The following PDE4D variants were observed in gnomAD, a reference collection of about 807,000 sequenced individuals.
PDE4D encodes the protein phosphodiesterase 4D.
Under a neutral mutation model 87.4 loss-of-function variants are expected in PDE4D, and 24 were observed. The ratio of observed to expected loss-of-function variants is 0.27; its 90% CI spans 0.20 to 0.39. PDE4D has a LOEUF of 0.39. PDE4D is among the 10% of genes least tolerant of loss of function. The pLI, the probability that PDE4D is intolerant of heterozygous loss-of-function variation, is 1.00. For missense variants in PDE4D, 714 were observed against 1,041.0 expected, an observed-to-expected ratio of 0.69 and a Z score of 4.32; for synonymous variants, 384 against 383.2, an observed-to-expected ratio of 1.00 and a Z score of -0.02.
intron 3 of PDE4D, among the ~76,000 whole-genome samples, chr5:59,983,456 C>T (rs1762121460): frequency 6.6e-6 from 1 of 152,052 alleles, no homozygotes; most frequent in Non-Finnish European, 1.5e-5. Context: ...AAAATATTCA[C>T]TTTATAATAC....
chr5:59,612,394 T>G (rs1829128750), intron 1 of PDE4D, among the ~76,000 whole-genome samples: 1 of 152,146 alleles, frequency 6.6e-6, no homozygotes, highest in Admixed American at 6.6e-5. Flanking sequence ...TCCAATAATT[T>G]ATATTTTATA....
intron 6 of PDE4D, among the ~76,000 whole-genome samples, chr5:59,021,178 C>A (rs187407627): frequency 1.8e-3 from 276 of 152,274 alleles, no homozygotes; most frequent in Middle Eastern, 6.8e-3. Flanking sequence ...TGAAGACCTA[C>A]AGGAGACCCT....
chr5:60,055,124 G>A (rs1770635282), intron 2 of PDE4D, among the ~76,000 whole-genome samples: 1 of 152,082 alleles, frequency 6.6e-6, no homozygotes, highest in African/African-American at 2.4e-5. Flanking sequence ...GCAGCTAGGA[G>A]CCTTGGCAGC....
chr5:60,162,761 G>GA (rs933178882), intron 2 of PDE4D, among the ~76,000 whole-genome samples: 19 of 146,814 alleles, frequency 1.3e-4, no homozygotes, highest in South Asian at 2.2e-4. Context: ...CTGCCAGGAA[G>GA]AAAAAAAAAA....
chr5:60,205,173 T>C (rs1270009985), intron 1 of PDE4D, among the ~76,000 whole-genome samples: 2 of 152,170 alleles, frequency 1.3e-5, no homozygotes, highest in African/African-American at 4.8e-5. Context: ...CCAGGCCTAC[T>C]TGAGCCCAGC....
intron 1 of PDE4D, among the ~76,000 whole-genome samples, chr5:60,228,901 C>T (rs1189958231): frequency 1.3e-5 from 2 of 151,986 alleles, no homozygotes; most frequent in Non-Finnish European, 2.9e-5. Flanking sequence ...CACAAAACTA[C>T]CCAGCTGGGC....
intron 1 of PDE4D, among the ~76,000 whole-genome samples, chr5:60,295,258 C>T (rs1482988743): frequency 1.3e-5 from 2 of 152,154 alleles, no homozygotes; most frequent in Non-Finnish European, 2.9e-5. Context: ...GGAAGCTATT[C>T]CTTATGGTTA....
chr5:59,678,255 T>C (rs1013210299), intron 1 of PDE4D, among the ~76,000 whole-genome samples: 2 of 152,210 alleles, frequency 1.3e-5, no homozygotes, highest in Non-Finnish European at 1.5e-5. Flanking sequence ...GTAACAACAT[T>C]ATTTCAAAAT....
chr5:60,400,196 A>G (rs1400028472), intron 1 of PDE4D, among the ~76,000 whole-genome samples: 1 of 152,202 alleles, frequency 6.6e-6, no homozygotes, highest in Non-Finnish European at 1.5e-5. Context: ...GGTAAAACAG[A>G]AGTGGATGGG....
intron 2 of PDE4D, among the ~76,000 whole-genome samples, chr5:60,143,543 C>T (rs746482280): frequency 9.9e-5 from 15 of 150,968 alleles, no homozygotes; most frequent in Admixed American, 2.0e-4. Context: ...CTTTAAAGAA[C>T]GCCATTGCCT....
At chr5:59,715,001 C>T (rs1013423365) in intron 1 of PDE4D, among the ~76,000 whole-genome samples, 3 of 152,228 alleles carry the variant, frequency 2.0e-5, no homozygotes, top group African/African-American at 7.2e-5. Context: ...TTGAGAACAC[C>T]AGTAGGCTTT....
chr5:59,037,040 T>C (rs1758648127), intron 6 of PDE4D, among the ~76,000 whole-genome samples: 1 of 152,182 alleles, frequency 6.6e-6, no homozygotes, highest in Non-Finnish European at 1.5e-5. Context: ...TCTGGTGCCT[T>C]TAAAAGAAAG....
chr5:59,463,408 A>T (rs1306065398), intron 1 of PDE4D, among the ~76,000 whole-genome samples: 1 of 152,188 alleles, frequency 6.6e-6, no homozygotes, highest in East Asian at 1.9e-4. Context: ...AAGGTTTCTT[A>T]CCAGCGAAAG....
chr5:60,010,121 G>A (rs1764883753), intron 2 of PDE4D, among the ~76,000 whole-genome samples: 1 of 152,004 alleles, frequency 6.6e-6, no homozygotes, highest in Admixed American at 6.6e-5. Flanking sequence ...GACATAAGTG[G>A]GGAGAATTCA....
At chr5:60,464,685 T>C (rs982337176) in intron 1 of PDE4D, among the ~76,000 whole-genome samples, 1 of 152,138 alleles carries the variant, frequency 6.6e-6, no homozygotes, top group African/African-American at 2.4e-5. Context: ...AAACTCAACA[T>C]AGCGTGATAG....
chr5:60,003,567 G>A (rs748919769), intron 2 of PDE4D, among the ~76,000 whole-genome samples: 27 of 151,896 alleles, frequency 1.8e-4, no homozygotes, highest in Non-Finnish European at 2.8e-4. Flanking sequence ...AAAATTAGCC[G>A]AACGTGGTGG....
chr5:59,188,280 A>G (rs1743376517), intron 3 of PDE4D, among the ~76,000 whole-genome samples: 1 of 152,168 alleles, frequency 6.6e-6, no homozygotes, highest in Admixed American at 6.5e-5. Context: ...TGCCCCACCA[A>G]GCAGAAGTAT....
intron 1 of PDE4D, among the ~76,000 whole-genome samples, chr5:59,288,924 T>C (rs72765993): frequency 0.069 from 10,516 of 152,112 alleles, 481 homozygotes; most frequent in South Asian, 0.13. Context: ...ACCAGACCTA[T>C]CCTGTAAGAA....
intron 2 of PDE4D, among the ~76,000 whole-genome samples, chr5:60,161,542 T>A (rs553524489): frequency 6.6e-6 from 1 of 152,212 alleles, no homozygotes; most frequent in South Asian, 2.1e-4. Flanking sequence ...CCCCACCTAA[T>A]GGCAAGAGGT....
Sources: gnomAD v4.1 joint callset for allele counts (sites outside exome capture counted in the v4.1 genomes callset) on GRCh38, gnomAD v4.1.1 for gene constraint, MANE v1.5 for transcripts, NCBI Gene and HGNC (gene_info 2026-07-23, HGNC 2026-07-21) for gene names.